The following SCN11A variants were observed in gnomAD, a reference collection of about 807,000 sequenced individuals.
The protein encoded by SCN11A is sodium voltage-gated channel alpha subunit 11, also known as sodium channel protein type 11 subunit alpha.
A neutral mutation model predicts 162.2 loss-of-function variants in SCN11A; 122 were observed. That is an observed-to-expected ratio of 0.75 (90% CI 0.65 to 0.87). The LOEUF is 0.87. Ranked by LOEUF, SCN11A falls within the 40% of genes least tolerant of loss-of-function variation. SCN11A has a pLI of 0.00. For missense variants in SCN11A, 2,015 were observed against 2,181.6 expected (o/e 0.92, Z 1.52); for synonymous variants, 758 against 751.5 (o/e 1.01, Z -0.14).
chr3:38,987,881 G>C (rs568207922), intron 2 of SCN11A, among the ~76,000 whole-genome samples: 1 of 152,124 alleles, frequency 6.6e-6, no homozygotes. Flanking sequence ...CCCTGTTTCT[G>C]TCTCCAGCCC....
intron 7 of SCN11A, among the ~76,000 whole-genome samples, chr3:38,935,409 C>A (rs1287053469): frequency 7.9e-5 from 12 of 152,148 alleles, no homozygotes; most frequent in African/African-American, 2.9e-4. Flanking sequence ...AGACACAAAA[C>A]ACCCTTCAAA....
chr3:39,019,424 A>G (rs2031386174), intron 2 of SCN11A, among the ~76,000 whole-genome samples: 1 of 152,160 alleles, frequency 6.6e-6, no homozygotes, highest in Non-Finnish European at 1.5e-5. Flanking sequence ...CTGAGCCTTC[A>G]GGGAGATTGA....
chr3:38,847,551 T>G lies in SCN11A; in HGVS notation c.4519A>C (p.Ile1507Leu). 2 of 1,614,088 alleles carry G rather than the reference T, an allele frequency of 1.2e-6. No homozygotes were observed. Among genetic ancestry groups the G allele is most frequent in the Non-Finnish European group, 1.7e-6 (2 of 1,180,008 alleles). The change falls in exon 30 of 30, where the codon ATT (isoleucine) becomes CTT (leucine). Residue 1507 changes from isoleucine (I) to leucine (L), a missense_variant. Physicochemically the swap from Ile to Leu is conservative, Grantham distance 5. Coordinates refer to ENST00000302328, the MANE Select transcript of SCN11A (RefSeq NM_001349253.2). ...CCCAGAATGGCATAGATAAACATAA[T>G]CAGAAAGAGTAGAAGACCAATGTTG... Reference protein sequence around the residue: ...LFNIGLLLFLIMFIYAILGMN... With the variant: ...LFNIGLLLFLLMFIYAILGMN...
intron 2 of SCN11A, among the ~76,000 whole-genome samples, chr3:38,997,212 A>G (rs2030670772): frequency 6.6e-6 from 1 of 152,172 alleles, no homozygotes; most frequent in Non-Finnish European, 1.5e-5. Context: ...CTTCACTCCC[A>G]TTAAATCTCT....
At chr3:38,950,915 G>T (rs1298291419) in intron 4 of SCN11A, among the ~76,000 whole-genome samples, 2 of 152,250 alleles carry the variant, frequency 1.3e-5, no homozygotes, top group African/African-American at 4.8e-5. Context: ...ACATAGGCAT[G>T]AACTGCGACC....
chr3:38,940,965 C>T (rs1019821770), intron 7 of SCN11A, among the ~76,000 whole-genome samples: 2 of 152,140 alleles, frequency 1.3e-5, no homozygotes, highest in Admixed American at 1.3e-4. Context: ...TATTTGAAGG[C>T]CCTGGAAGGT....
intron 11 of SCN11A, among the ~76,000 whole-genome samples, chr3:38,915,198 T>A (rs2065942739): frequency 6.6e-6 from 1 of 152,176 alleles, no homozygotes; most frequent in Admixed American, 6.6e-5. Context: ...AGTTCAGTCT[T>A]GGCAGGGTGT....
chr3:38,905,344 C>T (rs759246683), intron 14 of SCN11A, 23 bp from the exon 15 acceptor site: 1 of 1,604,588 alleles, frequency 6.2e-7, no homozygotes, highest in Non-Finnish European at 8.5e-7. Flanking sequence ...GCATAGGGCA[C>T]CTTCTAAAGA....
chr3:38,863,701 A>G (rs1198050337), intron 27 of SCN11A, among the ~76,000 whole-genome samples: 4 of 152,124 alleles, frequency 2.6e-5, no homozygotes, highest in East Asian at 3.8e-4. Context: ...ATGAATACAC[A>G]TAACACTACT....
At chr3:38,869,605 T>A (rs1169930028) in intron 26 of SCN11A, among the ~76,000 whole-genome samples, 1 of 152,164 alleles carries the variant, frequency 6.6e-6, no homozygotes, top group African/African-American at 2.4e-5. Context: ...TGTGAATTTA[T>A]AATGACAACT....
chr3:38,947,465 A>G (rs1196484619), intron 5 of SCN11A, among the ~76,000 whole-genome samples: 2 of 152,216 alleles, frequency 1.3e-5, no homozygotes, highest in Admixed American at 6.5e-5. Flanking sequence ...CTTAACCAGC[A>G]GGGGAGGTGG....
At chr3:38,931,087 G>A (rs1485049196) in intron 7 of SCN11A, among the ~76,000 whole-genome samples, 1 of 152,214 alleles carries the variant, frequency 6.6e-6, no homozygotes, top group Non-Finnish European at 1.5e-5. Context: ...TTCCAGGGAA[G>A]CTGCAGTAAG....
At chr3:38,857,751 A>C (rs2064893939) in intron 28 of SCN11A, among the ~76,000 whole-genome samples, 1 of 152,120 alleles carries the variant, frequency 6.6e-6, no homozygotes, top group Non-Finnish European at 1.5e-5. Context: ...AGACAAAAGA[A>C]TTAGATAACC....
chr3:38,969,841 C>T (rs1210381007), intron 2 of SCN11A, among the ~76,000 whole-genome samples: 1 of 152,212 alleles, frequency 6.6e-6, no homozygotes, highest in African/African-American at 2.4e-5. Flanking sequence ...CTGCTTAATG[C>T]CAAAGTCTAG....
chr3:38,997,895 T>C (rs1302931197), intron 2 of SCN11A, among the ~76,000 whole-genome samples: 2 of 152,244 alleles, frequency 1.3e-5, no homozygotes, highest in Non-Finnish European at 2.9e-5. Flanking sequence ...TACATGTTTA[T>C]GGATTAATAC....
intron 11 of SCN11A, among the ~76,000 whole-genome samples, chr3:38,915,972 A>C (rs2065955181): frequency 6.6e-6 from 1 of 152,096 alleles, no homozygotes; most frequent in Non-Finnish European, 1.5e-5. Context: ...TTGCCTTTTG[A>C]ATCTGGGTGC....
chr3:39,027,218 G>T (rs1397343456), intron 2 of SCN11A, among the ~76,000 whole-genome samples: 1 of 152,142 alleles, frequency 6.6e-6, no homozygotes, highest in Non-Finnish European at 1.5e-5. Flanking sequence ...CTTGGCATGG[G>T]GGATTTTCCT....
intron 1 of SCN11A, among the ~76,000 whole-genome samples, chr3:39,042,544 A>G (rs2032072921): frequency 6.6e-6 from 1 of 152,218 alleles, no homozygotes; most frequent in Admixed American, 6.5e-5. Context: ...GTGAAGAGAC[A>G]ACACACAGAA....
chr3:38,960,136 G>C (rs1359194737), intron 3 of SCN11A, among the ~76,000 whole-genome samples, 147 bp downstream of exon 3: 2 of 152,016 alleles, frequency 1.3e-5, no homozygotes, highest in Non-Finnish European at 2.9e-5. Context: ...CATATATCTC[G>C]TACCCGCTCT....
Sources: gnomAD v4.1 joint callset for allele counts (sites outside exome capture counted in the v4.1 genomes callset) on GRCh38, gnomAD v4.1.1 for gene constraint, MANE v1.5 for transcripts, NCBI Gene and HGNC (gene_info 2026-07-23, HGNC 2026-07-21) for gene names.